The following OPHN1 variants were observed in gnomAD, a reference collection of about 807,000 sequenced individuals.
The protein encoded by OPHN1 is oligophrenin-1.
In OPHN1, 11 loss-of-function variants were observed where a neutral mutation model predicts 60.7. The observed-to-expected ratio is 0.18, with a 90% CI of 0.11 to 0.30. The LOEUF (loss-of-function observed/expected upper bound fraction) is 0.30. OPHN1 is among the 10% of genes least tolerant of loss of function. The probability of loss-of-function intolerance (pLI) is 1.00; values close to 1 mark genes in which losing one functional copy is unlikely to be tolerated. For synonymous variants in OPHN1, 226 were observed against 222.6 expected (o/e 1.02, Z -0.14); for missense variants, 449 against 611.0 (o/e 0.73, Z 2.80).
At chrX:68,170,623 C>A (rs2077385554) in intron 15 of OPHN1, among the ~76,000 whole-genome samples, 1 of 109,929 alleles carries the variant, frequency 9.1e-6, no homozygotes, top group Non-Finnish European at 1.9e-5. Context: ...GAGTTCATGT[C>A]CTTTGTAGGG....
At chrX:68,281,153 C>G (rs2078017760) in intron 4 of OPHN1, among the ~76,000 whole-genome samples, 1 of 111,680 alleles carries the variant, frequency 9.0e-6, no homozygotes, top group Non-Finnish European at 1.9e-5. Context: ...GACTTCAATG[C>G]TTTTTACTAC....
rs1237926384 is a variant in OPHN1 at position 68,351,691 on chromosome X, T to TTTG, written c.155-52598_155-52596dup. Among the ~76,000 whole-genome samples the TTTG allele has an allele frequency of 2.3e-4, 25 of 110,214 alleles. No individual in the cohort carries two copies. The East Asian group carries it at 4.9e-3, about 22-fold the overall frequency. ...AAAGAAATGTTTGGTTTTCTGGTTT[T>TTTG]TTGTTGTTGTTGTTGTTGTTTTTGA... On this transcript the variant is annotated intron_variant, in intron 2 of 24. Coordinates refer to ENST00000355520, the MANE Select transcript of OPHN1 (RefSeq NM_002547.3).
intron 5 of OPHN1, among the ~76,000 whole-genome samples, chrX:68,251,017 T>C (rs1288611267): frequency 9.1e-6 from 1 of 110,051 alleles, no homozygotes; most frequent in African/African-American, 3.3e-5. Context: ...TGAACTTCAG[T>C]TCTTCCTATT....
chrX:68,059,161 T>C (rs2076884139), intron 21 of OPHN1, among the ~76,000 whole-genome samples: 1 of 111,720 alleles, frequency 9.0e-6, no homozygotes, highest in Admixed American at 9.5e-5. Context: ...CTTTTCAACT[T>C]TGGTCCGAAA....
At chrX:68,152,734 C>T (rs1216688826) in intron 15 of OPHN1, among the ~76,000 whole-genome samples, 3 of 110,632 alleles carry the variant, frequency 2.7e-5, no homozygotes, top group Non-Finnish European at 3.8e-5. Flanking sequence ...TTAGCCACCC[C>T]ACTTGGCCTG....
intron 15 of OPHN1, among the ~76,000 whole-genome samples, chrX:68,173,879 T>G (rs1013880546): frequency 3.6e-5 from 4 of 111,360 alleles, no homozygotes; most frequent in Non-Finnish European, 7.5e-5. Flanking sequence ...GAGTGTAATT[T>G]TATTTCTATA....
chrX:68,154,562 C>G (rs1299224343), intron 15 of OPHN1, among the ~76,000 whole-genome samples: 1 of 111,797 alleles, frequency 8.9e-6, no homozygotes, highest in Non-Finnish European at 1.9e-5. Context: ...GTGAAGCATA[C>G]CTTTTTAGAT....
At chrX:68,427,439 A>C (rs2078865847) in intron 2 of OPHN1, among the ~76,000 whole-genome samples, 1 of 111,082 alleles carries the variant, frequency 9.0e-6, no homozygotes, top group African/African-American at 3.3e-5. Context: ...TGCCATGCAA[A>C]ACATAGTAAG....
chrX:68,347,116 C>G (rs930528257), intron 2 of OPHN1, among the ~76,000 whole-genome samples: 1 of 111,410 alleles, frequency 9.0e-6, no homozygotes, highest in Admixed American at 9.6e-5. Flanking sequence ...TCTCCAGTGT[C>G]TTTTAGTATT....
chrX:68,069,031 A>C (rs912665679), intron 20 of OPHN1, among the ~76,000 whole-genome samples: 3 of 112,027 alleles, frequency 2.7e-5, no homozygotes, highest in African/African-American at 9.8e-5. Context: ...GTACGCTTTA[A>C]AATGGTGCAT....
At chrX:68,327,800 A>T (rs1220930979) in intron 2 of OPHN1, among the ~76,000 whole-genome samples, 1 of 72,252 alleles carries the variant, frequency 1.4e-5, no homozygotes, top group East Asian at 3.4e-4. Context: ...AAAAAAATAA[A>T]AAAAAAAAAA....
intron 2 of OPHN1, among the ~76,000 whole-genome samples, chrX:68,371,872 G>A (rs2078530971): frequency 1.8e-5 from 2 of 112,268 alleles, no homozygotes; most frequent in Admixed American, 1.9e-4. Flanking sequence ...AGCCTCCCAA[G>A]TAGCTGGGAC....
chrX:68,220,388 T>C (rs1193942962), intron 6 of OPHN1, among the ~76,000 whole-genome samples: 2 of 111,068 alleles, frequency 1.8e-5, no homozygotes, highest in South Asian at 7.7e-4. Context: ...CTGAAACTAT[T>C]CCAATCAATA....
At chrX:68,170,168 AAC>A (rs2077382630) in intron 15 of OPHN1, among the ~76,000 whole-genome samples, 1 of 109,178 alleles carries the variant, frequency 9.2e-6, no homozygotes, top group Non-Finnish European at 1.9e-5. Context: ...GCAGCCAAAA[AAC>A]ACATGAAAAA....
intron 2 of OPHN1, among the ~76,000 whole-genome samples, chrX:68,393,338 T>G (rs748140779): frequency 2.7e-5 from 3 of 112,248 alleles, no homozygotes; most frequent in African/African-American, 9.7e-5. Context: ...TCACTCAGGC[T>G]GGAGTGCAGA....
Position 68,406,178 on chromosome X carries a change from T to G in OPHN1, c.154+26689A>C, listed in dbSNP as rs866045731. Among the ~76,000 whole-genome samples, 57 of 109,944 alleles carry G rather than the reference T, an allele frequency of 5.2e-4. No homozygotes were observed. The Middle Eastern group carries it at 0.014, about 27-fold the overall frequency. On this transcript the variant is annotated intron_variant, in intron 2 of 24. Transcript: ENST00000355520. ...AAAAAGGCAATACTCCAGTGATAAC[T>G]ACATGCAACTCATAATCCTGTTTTC...
intron 8 of OPHN1, among the ~76,000 whole-genome samples, chrX:68,211,271 A>G (rs1437422377): frequency 2.7e-5 from 3 of 112,277 alleles, no homozygotes; most frequent in Non-Finnish European, 5.6e-5. Context: ...TATATATTTC[A>G]TGCAATTTAA....
rs767329978 is a variant in OPHN1, at chrX:68,122,792, C to T, written c.1277-3460G>A. On this transcript the variant is annotated intron_variant, in intron 15 of 24. Coordinates refer to ENST00000355520, the MANE Select transcript of OPHN1 (RefSeq NM_002547.3). ...TGAAGACAGGCTATTCGAAAATACA[C>T]ATTTAGAGGAGACAAAAGAGAAAAG... 2.7e-5 allele frequency among the ~76,000 whole-genome samples: 3 copies of T among 110,047 alleles called. No homozygotes were observed. In the South Asian group the frequency reaches 1.2e-3, roughly 43 times the overall value.
chrX:68,144,194 A>AT (rs926545560), intron 15 of OPHN1, among the ~76,000 whole-genome samples: 6 of 109,140 alleles, frequency 5.5e-5, no homozygotes, highest in Non-Finnish European at 9.5e-5. Context: ...ATTTTTTTTA[A>AT]TTTTTTTATT....
Sources: gnomAD v4.1 joint callset for allele counts (sites outside exome capture counted in the v4.1 genomes callset) on GRCh38, gnomAD v4.1.1 for gene constraint, MANE v1.5 for transcripts, NCBI Gene and HGNC (gene_info 2026-07-23, HGNC 2026-07-21) for gene names.